The following MACF1 variants were observed in gnomAD, a reference collection of about 807,000 sequenced individuals.
MACF1 encodes microtubule-actin cross-linking factor 1.
A neutral mutation model predicts 854.8 loss-of-function variants in MACF1; 193 were observed. The ratio of observed to expected loss-of-function variants is 0.23; its 90% CI spans 0.20 to 0.25. MACF1 has a LOEUF of 0.25. Ranked by LOEUF, MACF1 falls within the 10% of genes least tolerant of loss-of-function variation. The pLI is 1.00. For missense variants in MACF1, 7,722 were observed against 8,929.1 expected (o/e 0.86, Z 5.45); for synonymous variants, 3,185 against 3,226.7 (o/e 0.99, Z 0.44).
chr1:39,157,292 GT>G lies in MACF1; in HGVS notation c.220+72855del, dbSNP rs1255047299. ...GCCCCTTTCCATTATCTTAGCAGCT[GT>G]CACAATTATTTAGCCTGATCTTTTT... On this transcript the variant is annotated intron_variant, in intron 2 of 93. Coordinates refer to the MACF1 transcript ENST00000361689. Among the ~76,000 whole-genome samples, 3 of 152,164 alleles carry G rather than the reference GT, an allele frequency of 2.0e-5. No homozygotes were observed. In the East Asian group the frequency reaches 5.8e-4, roughly 29 times the overall value.
chr1:39,318,995 A>C (rs1306905904), intron 30 of MACF1, among the ~76,000 whole-genome samples: 2 of 147,572 alleles, frequency 1.4e-5, no homozygotes, highest in African/African-American at 5.0e-5. Context: ...TATTTTAAGC[A>C]TTTTTTTTTT....
chr1:39,411,519 C>T (rs776524526), intron 58 of MACF1: 9 of 1,613,166 alleles, frequency 5.6e-6, no homozygotes, highest in East Asian at 2.2e-5. Context: ...CCCTGGATTG[C>T]GATTGTGTTC....
chr1:39,195,681 G>A (rs1644310232), intron 2 of MACF1, among the ~76,000 whole-genome samples: 1 of 152,206 alleles, frequency 6.6e-6, no homozygotes, highest in African/African-American at 2.4e-5. Context: ...CTGGAGATGG[G>A]AAGGAAAAAC....
chr1:39,248,342 C>T (rs1645004842), intron 2 of MACF1, among the ~76,000 whole-genome samples: 2 of 151,892 alleles, frequency 1.3e-5, no homozygotes, highest in African/African-American at 4.8e-5. Context: ...AAAAAAGAAA[C>T]CCCTCATTAC....
chr1:39,198,501 A>G (rs546418781), intron 2 of MACF1, among the ~76,000 whole-genome samples: 9 of 152,026 alleles, frequency 5.9e-5, no homozygotes, highest in African/African-American at 2.2e-4. Flanking sequence ...AAATACAAAA[A>G]TTAGCCGGGT....
chr1:39,283,975 T>A lies in MACF1; in HGVS notation c.916-91T>A. ...TCTAGGCAATTAAAGGAAATGGATT[T>A]TATATAGTTTGGAGTGGCCTGAGCT... On this transcript the variant is annotated intron_variant, in intron 9 of 100. Coordinates refer to ENST00000564288, the MANE Select transcript of MACF1 (RefSeq NM_001394062.1). This position sits in a 1 kb window ranked among gnomAD's most constrained non-coding sequence, Gnocchi z 4.5. 7.1e-7 allele frequency: 1 copy of A among 1,403,610 alleles called. No individual in the cohort carries two copies. Among genetic ancestry groups the A allele is most frequent in the Admixed American group, 2.1e-5 (1 of 48,632 alleles). 86.9% of individuals were successfully genotyped at this position (1,403,610 alleles called of 1,614,324 possible).
At chr1:39,304,350 C>T in intron 23 of MACF1, 1 of 811,504 alleles carries the variant, frequency 1.2e-6, no homozygotes, top group South Asian at 1.3e-5. Context: ...TAATCCTTGT[C>T]ATCTAGAACT....
intron 45 of MACF1, 135 bp downstream of exon 45, chr1:39,358,028 A>G (rs897737262): frequency 1.1e-6 from 1 of 923,790 alleles, no homozygotes; most frequent in Non-Finnish European, 1.6e-6. Flanking sequence ...CCATGGGCAG[A>G]AGGTCTTCAC....
At position 39,406,305 on chromosome 1, in the gene MACF1, T is replaced by C. The variant is rs147939649; in HGVS notation, c.15817-16069T>C. Among the ~76,000 whole-genome samples the C allele has an allele frequency of 4.6e-5, 7 of 152,314 alleles. No individual in the cohort carries two copies. The East Asian group carries it at 1.4e-3, about 29-fold the overall frequency. Reference sequence around the variant, plus strand: ...TGCTCCATTTATTTATTTATATGGATCACTGATGAGAGTAGTAAGAATATT... The same window carrying C: ...TGCTCCATTTATTTATTTATATGGACCACTGATGAGAGTAGTAAGAATATT... On this transcript the variant is annotated intron_variant, in intron 58 of 100. Coordinates refer to ENST00000564288, the MANE Select transcript of MACF1 (RefSeq NM_001394062.1).
intron 35 of MACF1, 82 bp from the exon 36 acceptor site, chr1:39,327,136 A>C: frequency 7.5e-7 from 1 of 1,337,632 alleles, no homozygotes; most frequent in South Asian, 1.6e-5. Context: ...AAGATGAAGA[A>C]GTAGCAATTT....
At chr1:39,233,794 T>TTA (rs1553175680) in intron 2 of MACF1, among the ~76,000 whole-genome samples, 1 of 92,020 alleles carries the variant, frequency 1.1e-5, no homozygotes, top group Admixed American at 1.2e-4. Flanking sequence ...TTTTTTTTTT[T>TTA]TTTATTTATT....
At chr1:39,136,520 C>T (rs1008780310) in intron 2 of MACF1, among the ~76,000 whole-genome samples, 1 of 152,088 alleles carries the variant, frequency 6.6e-6, no homozygotes, top group Non-Finnish European at 1.5e-5. Flanking sequence ...GAGGGGACTG[C>T]AGTGGCATTA....
intron 2 of MACF1, among the ~76,000 whole-genome samples, chr1:39,125,153 G>A (rs971715546): frequency 7.9e-5 from 12 of 152,164 alleles, no homozygotes; most frequent in Admixed American, 6.5e-4. Context: ...ACACAAAAAC[G>A]GAGGGATTAG....
intron 2 of MACF1, among the ~76,000 whole-genome samples, chr1:39,124,310 C>G (rs1241182091): frequency 6.6e-6 from 1 of 152,116 alleles, no homozygotes; most frequent in Admixed American, 6.5e-5. Context: ...CTGGTTTGGC[C>G]ACTTACTACC....
At chr1:39,411,994 T>C in intron 58 of MACF1, 1 of 1,613,920 alleles carries the variant, frequency 6.2e-7, no homozygotes. Flanking sequence ...AAAAGTGCCT[T>C]TTAGCCCCAG....
chr1:39,408,171 C>T (rs138799048), intron 58 of MACF1, among the ~76,000 whole-genome samples: 4 of 152,284 alleles, frequency 2.6e-5, no homozygotes, highest in Non-Finnish European at 4.4e-5. Context: ...TCGTAGGGCT[C>T]AGCTGTTGGC....
Position 39,331,127 on chromosome 1 carries a change from G to C in MACF1, c.4615-76G>C, listed in dbSNP as rs1646716638. On this transcript the variant is annotated intron_variant, in intron 36 of 100. Coordinates refer to ENST00000564288, the MANE Select transcript of MACF1 (RefSeq NM_001394062.1). ...TTGAATGACTCCTTTCAATAGTTGT[G>C]CTTTGCCATTGGCTCTGATTCAGTT... The C allele has an allele frequency of 2.1e-6, 3 of 1,442,566 alleles. No individual in the cohort carries two copies. The African/African-American group carries it at 4.5e-5, about 21-fold the overall frequency. 89.4% of individuals were successfully genotyped at this position (1,442,566 alleles called of 1,614,324 possible).
At chr1:39,279,771 A>T (rs1251647945) in intron 6 of MACF1, among the ~76,000 whole-genome samples, 1 of 152,196 alleles carries the variant, frequency 6.6e-6, no homozygotes, top group African/African-American at 2.4e-5. Context: ...GGAGGCTTAC[A>T]TGGTTTGCCT....
chr1:39,212,620 GTATTTTT>G (rs922719304), intron 1 of MACF1, among the ~76,000 whole-genome samples: 1 of 152,008 alleles, frequency 6.6e-6, no homozygotes, highest in African/African-American at 2.4e-5. Context: ...AACCAGTTAA[GTATTTTT>G]TATTTTTTAT....
Sources: allele counts gnomAD v4.1 joint callset (sites outside exome capture counted in the v4.1 genomes callset), GRCh38; gene constraint gnomAD v4.1.1; non-coding constraint Gnocchi (gnomAD v3.1); transcripts MANE v1.5; gene names NCBI Gene and HGNC (gene_info 2026-07-23, HGNC 2026-07-21).